ACER3: variants seen among roughly 807,000 people sequenced by gnomAD.
ACER3 encodes the protein alkaline ceramidase 3, also known as alkCDase 3.
ACER3 carries 16 observed loss-of-function variants against 48.9 expected under a neutral mutation model. The ratio of observed to expected loss-of-function variants is 0.33; its 90% confidence interval spans 0.22 to 0.50. The LOEUF is 0.50. ACER3 is among the 20% of genes least tolerant of loss of function. The pLI, the probability that ACER3 is intolerant of heterozygous loss-of-function variation, is 0.98. For missense variants in ACER3, 227 were observed against 326.0 expected (o/e 0.70, Z 2.34); for synonymous variants, 109 against 107.8 (o/e 1.01, Z -0.07).
chr11:77,002,686 A>T (rs1949057485), intron 7 of ACER3, among the ~76,000 whole-genome samples: 1 of 152,106 alleles, frequency 6.6e-6, no homozygotes, highest in Non-Finnish European at 1.5e-5. Context: ...CTCTTCTTTA[A>T]ATGTTTGGTA....
chr11:76,898,693 A>T (rs956258643), intron 1 of ACER3, among the ~76,000 whole-genome samples: 1 of 142,762 alleles, frequency 7.0e-6, no homozygotes, highest in Non-Finnish European at 1.6e-5. Flanking sequence ...TGACGAGGTC[A>T]GGAGATCGAG....
chr11:76,941,926 C>G (rs1947351734), intron 2 of ACER3, among the ~76,000 whole-genome samples: 1 of 151,698 alleles, frequency 6.6e-6, no homozygotes, highest in African/African-American at 2.4e-5. Context: ...CATTATTTAA[C>G]TATTATAAAT....
At chr11:76,906,115 C>T (rs1256858198) in intron 1 of ACER3, among the ~76,000 whole-genome samples, 1 of 152,160 alleles carries the variant, frequency 6.6e-6, no homozygotes, top group Non-Finnish European at 1.5e-5. Context: ...GGAGGAATTT[C>T]GTTTATAGTT....
intron 3 of ACER3, among the ~76,000 whole-genome samples, chr11:76,968,554 T>C (rs916082271): frequency 6.6e-6 from 1 of 152,166 alleles, no homozygotes; most frequent in African/African-American, 2.4e-5. Flanking sequence ...ACTACAAGGC[T>C]ACAGTAACCA....
chr11:76,894,065 A>G (rs1202684741), intron 1 of ACER3, among the ~76,000 whole-genome samples: 5 of 152,154 alleles, frequency 3.3e-5, no homozygotes, highest in African/African-American at 7.2e-5. Flanking sequence ...CTGAGGTGGA[A>G]GGATCGCTTG....
chr11:76,907,068 CTG>C (rs773824292), intron 1 of ACER3, among the ~76,000 whole-genome samples: 3 of 152,178 alleles, frequency 2.0e-5, no homozygotes, highest in Non-Finnish European at 2.9e-5. Context: ...ACTTCTCTCA[CTG>C]TTTTTTTTCA....
At chr11:76,963,211 A>G (rs1040526265) in intron 3 of ACER3, among the ~76,000 whole-genome samples, 3 of 151,296 alleles carry the variant, frequency 2.0e-5, no homozygotes, top group African/African-American at 7.4e-5. Context: ...TTGCAGAGGG[A>G]GGAGGGGGGC....
In ACER3 at chr11:77,023,572, G is replaced by A. The variant is rs1949503603; in HGVS notation, c.*3245G>A. 1.1e-5 allele frequency: 2 copies of A among 188,072 alleles called. No homozygotes were observed. Among genetic ancestry groups the A allele is most frequent in the Non-Finnish European group, 2.2e-5 (2 of 92,358 alleles). The allele number at this position is 188,072 out of a possible 1,614,324, so 11.7% of individuals were successfully genotyped here. A position where few individuals can be genotyped will look rare whatever the true frequency, so the allele number is the denominator to read the frequency against. On this transcript the variant is annotated 3_prime_UTR_variant, in exon 11 of 11. Transcript: ENST00000532485. ...TGACAAGAAATTGTTTTGGCCCTGT[G>A]GTTTATGACGTGCTGCTGGATAAGC...
At chr11:76,977,367 A>C (rs1052986707) in intron 4 of ACER3, among the ~76,000 whole-genome samples, 1 of 152,202 alleles carries the variant, frequency 6.6e-6, no homozygotes, top group South Asian at 2.1e-4. Context: ...CCTGTACTGC[A>C]TGATCAAATA....
At chr11:76,924,178 G>A (rs1946757888) in intron 1 of ACER3, among the ~76,000 whole-genome samples, 1 of 151,798 alleles carries the variant, frequency 6.6e-6, no homozygotes, top group Non-Finnish European at 1.5e-5. Context: ...TGGTTTCTCG[G>A]GAATCATTGC....
At chr11:76,909,986 T>C (rs975389973) in intron 1 of ACER3, among the ~76,000 whole-genome samples, 1 of 152,126 alleles carries the variant, frequency 6.6e-6, no homozygotes, top group Non-Finnish European at 1.5e-5. Flanking sequence ...TGGATGAAGC[T>C]GGAAAGAATC....
At chr11:76,925,753 T>A (rs1946813204) in intron 1 of ACER3, among the ~76,000 whole-genome samples, 1 of 152,212 alleles carries the variant, frequency 6.6e-6, no homozygotes, top group Non-Finnish European at 1.5e-5. Context: ...GTATATTTTT[T>A]TAATCCTTGA....
rs1035295587 is a variant in ACER3 at position 77,020,454 on chromosome 11, C to A, written c.*127C>A. ...TCACAGCAGAGGAGTGACTTTCTGA[C>A]TAATGCTGCCACCCACACAGAGAAT... On this transcript the variant is annotated 3_prime_UTR_variant, in exon 11 of 11. Transcript: ENST00000532485. 2 of 1,018,284 alleles carry A rather than the reference C, an allele frequency of 2.0e-6. No homozygotes were observed. The highest frequency in any genetic ancestry group is 2.9e-6 in the Non-Finnish European group (2 of 695,458). 63.1% of individuals were successfully genotyped at this position (1,018,284 alleles called of 1,614,324 possible).
Position 76,861,297 on chromosome 11 carries a change from G to A in ACER3, c.103+218G>A, listed in dbSNP as rs906286996. Among the ~76,000 whole-genome samples, 73 of 148,272 alleles carry A rather than the reference G, an allele frequency of 4.9e-4. 1 individual carries two copies. The highest frequency in any genetic ancestry group is 1.8e-4 in the Non-Finnish European group (12 of 66,848). On this transcript the variant is annotated intron_variant, in intron 1 of 10. Transcript: ENST00000532485. The stretch of plus-strand genomic sequence containing the variant: ...GTACCGGGGTCTGGGAGGGAGGAAG[G>A]GGGCCTGAGGATTGGGGGGGCAGAA...
chr11:77,015,979 T>C (rs549517247), intron 8 of ACER3, among the ~76,000 whole-genome samples: 3 of 151,956 alleles, frequency 2.0e-5, no homozygotes, highest in Non-Finnish European at 2.9e-5. Context: ...TGGTGACGTG[T>C]GCCTGTAATC....
chr11:76,879,300 G>A (rs1945465332), intron 1 of ACER3, among the ~76,000 whole-genome samples: 1 of 152,060 alleles, frequency 6.6e-6, no homozygotes, highest in Admixed American at 6.5e-5. Flanking sequence ...TGTCACATAT[G>A]GTGTAAGGTA....
chr11:76,978,408 T>C (rs1259362758), intron 4 of ACER3: 1 of 152,284 alleles, frequency 6.6e-6, no homozygotes, highest in African/African-American at 2.4e-5. Flanking sequence ...TACCTGCGAA[T>C]AGGAGCTGCC....
chr11:76,887,028 AT>A (rs1363279269), intron 1 of ACER3, among the ~76,000 whole-genome samples: 2 of 152,194 alleles, frequency 1.3e-5, no homozygotes, highest in African/African-American at 4.8e-5. Context: ...AATGACCAAA[AT>A]AAATGATGAG....
intron 1 of ACER3, among the ~76,000 whole-genome samples, chr11:76,880,659 G>A (rs1396111740): frequency 1.3e-5 from 2 of 152,154 alleles, no homozygotes; most frequent in East Asian, 1.9e-4. Context: ...TTCTGAAATG[G>A]GGGTCTTGTG....
Sources: allele counts gnomAD v4.1 joint callset (sites outside exome capture counted in the v4.1 genomes callset), GRCh38; gene constraint gnomAD v4.1.1; transcripts MANE v1.5; gene names NCBI Gene and HGNC (gene_info 2026-07-23, HGNC 2026-07-21).